The following NRXN3 variants were observed in gnomAD, a reference collection of about 807,000 sequenced individuals.
NRXN3 encodes the protein neurexin 3, also known as neurexin III.
A neutral mutation model predicts 137.6 loss-of-function variants in NRXN3; 32 were observed. The ratio of observed to expected loss-of-function variants is 0.23; its 90% CI spans 0.18 to 0.31. The LOEUF (loss-of-function observed/expected upper bound fraction) is 0.31. Among genes scored for constraint, NRXN3 ranks in the 10% least tolerant of loss-of-function variants. The pLI is 1.00. For synonymous variants in NRXN3, 798 were observed against 784.5 expected (o/e 1.02, Z -0.29); for missense variants, 1,574 against 2,062.5 (o/e 0.76, Z 4.59).
chr14:78,557,090 A>AC (rs2096745874), intron 4 of NRXN3, among the ~76,000 whole-genome samples: 1 of 144,826 alleles, frequency 6.9e-6, no homozygotes, highest in Admixed American at 7.0e-5. Context: ...TTGCTCTGCC[A>AC]CCCAGGCTGC....
rs1368505054 is a variant in NRXN3 at position 79,406,013 on chromosome 14, A to T, written c.3263-61208A>T. On this transcript the variant is annotated intron_variant, in intron 15 of 20. Coordinates refer to ENST00000335750, the MANE Select transcript of NRXN3 (RefSeq NM_001330195.2). ...TGCTGGGAACATGTCCATGAACATT[A>T]AACAAACGCACAAATAATTACTTAA... is the stretch of plus-strand genomic sequence containing the variant. Among the ~76,000 whole-genome samples, 3 of 152,308 alleles carry T rather than the reference A, an allele frequency of 2.0e-5. No individual in the cohort carries two copies. The East Asian group carries it at 5.8e-4, about 29-fold the overall frequency.
chr14:79,718,542 C>T (rs547425486), intron 19 of NRXN3, among the ~76,000 whole-genome samples: 1 of 152,146 alleles, frequency 6.6e-6, no homozygotes, highest in African/African-American at 2.4e-5. Flanking sequence ...GGCAGAGAGA[C>T]CTAATACATG....
rs1281233382 is a variant in NRXN3 at position 79,754,291 on chromosome 14, T to C, written c.4015-50821T>C. Reference sequence around the variant, plus strand: ...AGGGAGAGGCAGAATTTGCAGTGAGTTGAGATTGCATCACTTCACTCTGGC... The same window carrying C: ...AGGGAGAGGCAGAATTTGCAGTGAGCTGAGATTGCATCACTTCACTCTGGC... On this transcript the variant is annotated intron_variant, in intron 19 of 20. Transcript: ENST00000335750. 2.7e-5 allele frequency among the ~76,000 whole-genome samples: 4 copies of C among 150,802 alleles called. No homozygotes were observed. The East Asian group carries it at 7.8e-4, about 29-fold the overall frequency.
intron 6 of NRXN3, among the ~76,000 whole-genome samples, chr14:78,694,534 G>T (rs1458449187): frequency 1.3e-5 from 2 of 151,828 alleles, no homozygotes; most frequent in Admixed American, 6.6e-5. Flanking sequence ...CCAGCACAAC[G>T]AATTACAAAT....
At chr14:79,445,570 G>A (rs2096050071) in intron 15 of NRXN3, among the ~76,000 whole-genome samples, 1 of 152,260 alleles carries the variant, frequency 6.6e-6, no homozygotes, top group African/African-American at 2.4e-5. Flanking sequence ...TGGGATGAGG[G>A]AAAGTTGCTA....
chr14:79,331,300 A>G (rs751529516), intron 15 of NRXN3, among the ~76,000 whole-genome samples: 1 of 152,200 alleles, frequency 6.6e-6, no homozygotes, highest in Non-Finnish European at 1.5e-5. Context: ...AAGGTATAAA[A>G]GTTGCTTATA....
At chr14:78,365,800 C>T (rs142093248) in intron 4 of NRXN3, among the ~76,000 whole-genome samples, 59 of 152,302 alleles carry the variant, frequency 3.9e-4, no homozygotes, top group Non-Finnish European at 7.1e-4. Flanking sequence ...ATATGCCAGG[C>T]ACTCTTCTTG....
Position 78,913,707 on chromosome 14 carries a change from T to C in NRXN3, c.2276-43535T>C, listed in dbSNP as rs80052055. 2.6e-5 allele frequency among the ~76,000 whole-genome samples: 4 copies of C among 152,256 alleles called. No individual in the cohort carries two copies. The East Asian group carries it at 7.7e-4, about 29-fold the overall frequency. ...AAGTTTCTGCTTGTGCCTTTGTTTG[T>C]AGCAGATAAAATCTTTTGTTTAAAA... is the stretch of plus-strand genomic sequence containing the variant. On this transcript the variant is annotated intron_variant, in intron 10 of 20. Transcript: ENST00000335750.
At chr14:79,254,335 C>T (rs1298892301) in intron 15 of NRXN3, among the ~76,000 whole-genome samples, 2 of 152,150 alleles carry the variant, frequency 1.3e-5, no homozygotes, top group Non-Finnish European at 2.9e-5. Flanking sequence ...TTTTAGTAAT[C>T]TGCTATCTGT....
rs114781729 is a variant in NRXN3, at chr14:78,742,316, A to G, written c.2044+27177A>G. On this transcript the variant is annotated intron_variant, in intron 8 of 20. Transcript: ENST00000335750. ...CATATGGCAGTCACACCACAATCCA[A>G]TGAATTGTTTTACCTCAGGTTTTGG... 2.1e-3 allele frequency among the ~76,000 whole-genome samples: 325 copies of G among 152,324 alleles called. 2 individuals are homozygous for G. The highest frequency in any genetic ancestry group is 6.9e-3 in the African/African-American group (287 of 41,566).
chr14:78,210,202 A>G (rs747774763), intron 1 of NRXN3, among the ~76,000 whole-genome samples: 5 of 152,126 alleles, frequency 3.3e-5, no homozygotes, highest in Non-Finnish European at 5.9e-5. Context: ...ATCCAGGATC[A>G]AGTTGCCAGC....
chr14:78,372,101 A>G (rs1278150089), intron 4 of NRXN3, among the ~76,000 whole-genome samples: 5 of 150,646 alleles, frequency 3.3e-5, no homozygotes, highest in African/African-American at 1.2e-4. Flanking sequence ...AAGCATATTT[A>G]TTTTCTTTCT....
At chr14:79,724,741 G>A (rs1395459922) in intron 19 of NRXN3, among the ~76,000 whole-genome samples, 1 of 152,098 alleles carries the variant, frequency 6.6e-6, no homozygotes, top group Non-Finnish European at 1.5e-5. Context: ...CAGCTACACA[G>A]TATATGGTAC....
chr14:78,694,751 C>A (rs997965304), intron 6 of NRXN3, among the ~76,000 whole-genome samples: 3 of 151,840 alleles, frequency 2.0e-5, no homozygotes, highest in Non-Finnish European at 1.5e-5. Context: ...AGTATTGATA[C>A]TCCTAGACAA....
At chr14:78,701,365 G>A (rs754005974) in intron 6 of NRXN3, among the ~76,000 whole-genome samples, 2 of 152,176 alleles carry the variant, frequency 1.3e-5, no homozygotes, top group Non-Finnish European at 2.9e-5. Flanking sequence ...GTAATGACTC[G>A]CATTATCAGC....
chr14:78,482,557 A>G (rs111952372), intron 4 of NRXN3, among the ~76,000 whole-genome samples: 8 of 152,320 alleles, frequency 5.3e-5, no homozygotes, highest in African/African-American at 1.4e-4. Context: ...ATACCTGTCA[A>G]TGGCTTGACT....
intron 15 of NRXN3, among the ~76,000 whole-genome samples, chr14:79,166,975 T>C (rs2061340770): frequency 6.6e-6 from 1 of 152,026 alleles, no homozygotes; most frequent in Non-Finnish European, 1.5e-5. Flanking sequence ...TGATAAAATA[T>C]TTATCACTGT....
chr14:79,737,729 T>A (rs979171039), intron 19 of NRXN3, among the ~76,000 whole-genome samples: 22 of 151,676 alleles, frequency 1.5e-4, no homozygotes, highest in Non-Finnish European at 2.7e-4. Context: ...TTTCTTTCTT[T>A]CTTTTTTTTT....
chr14:79,818,632 A>T (rs916088146), intron 20 of NRXN3, among the ~76,000 whole-genome samples: 5 of 152,186 alleles, frequency 3.3e-5, no homozygotes, highest in African/African-American at 1.2e-4. Flanking sequence ...TGCTCTTGAC[A>T]TCTCTTAAAG....
Sources: allele counts gnomAD v4.1 joint callset (sites outside exome capture counted in the v4.1 genomes callset), GRCh38; gene constraint gnomAD v4.1.1; transcripts MANE v1.5; gene names NCBI Gene and HGNC (gene_info 2026-07-23, HGNC 2026-07-21).